The following ECPAS variants were observed in gnomAD, a reference collection of about 807,000 sequenced individuals.
The protein encoded by ECPAS is Ecm29 proteasome adaptor and scaffold, also known as proteasome adapter and scaffold protein ECM29.
A neutral mutation model predicts 255.1 loss-of-function variants in ECPAS; 70 were observed. The observed-to-expected ratio is 0.27, with a 90% CI of 0.23 to 0.33. The LOEUF (loss-of-function observed/expected upper bound fraction) is 0.33, where lower values mean the gene tolerates loss of function less well. Among genes scored for constraint, ECPAS ranks in the 10% least tolerant of loss-of-function variants. The pLI is 1.00. For synonymous variants in ECPAS, 784 were observed against 775.0 expected (o/e 1.01, Z -0.19); for missense variants, 1,817 against 2,206.4 (o/e 0.82, Z 3.54).
At chr9:111,469,467 G>C (rs1455954110) in intron 2 of ECPAS, among the ~76,000 whole-genome samples, 2 of 151,836 alleles carry the variant, frequency 1.3e-5, no homozygotes, top group South Asian at 2.1e-4. Flanking sequence ...CCGGGAGGTG[G>C]AGCAGTGAGC....
intron 17 of ECPAS, 135 bp from the exon 18 acceptor site, chr9:111,416,487 T>C (rs2098203703): frequency 9.1e-6 from 6 of 658,298 alleles, no homozygotes; most frequent in Non-Finnish European, 1.6e-5. Flanking sequence ...CATTTTCCAC[T>C]TTCCTATTAA....
intron 1 of ECPAS, among the ~76,000 whole-genome samples, chr9:111,482,090 C>A (rs1043635182): frequency 6.6e-6 from 1 of 152,098 alleles, no homozygotes; most frequent in Admixed American, 6.5e-5. Flanking sequence ...ATGGCTAGGA[C>A]GGGAAATTTT....
intron 16 of ECPAS, 109 bp from the exon 17 acceptor site, chr9:111,418,115 T>C (rs2098207250): frequency 1.0e-6 from 1 of 969,522 alleles, no homozygotes; most frequent in Non-Finnish European, 1.5e-6. Flanking sequence ...TCTCAGAAAA[T>C]GTCTTAAATA....
chr9:111,431,826 C>T (rs1473047243), intron 8 of ECPAS, among the ~76,000 whole-genome samples: 1 of 152,184 alleles, frequency 6.6e-6, no homozygotes, highest in African/African-American at 2.4e-5. Context: ...AGAATAGCCA[C>T]AATTCCGCTA....
At chr9:111,478,015 C>T (rs2098298627) in intron 1 of ECPAS, among the ~76,000 whole-genome samples, 1 of 151,804 alleles carries the variant, frequency 6.6e-6, no homozygotes, top group South Asian at 2.1e-4. Context: ...ATCCTCCCCA[C>T]TCAGCCTCCC....
At chr9:111,426,074 G>A (rs927229185) in intron 10 of ECPAS, among the ~76,000 whole-genome samples, 10 of 152,158 alleles carry the variant, frequency 6.6e-5, no homozygotes, top group African/African-American at 2.4e-4. Flanking sequence ...ACCACAGTGA[G>A]GAAACGAAGA....
At chr9:111,362,222 G>GA (rs1422727289) in intron 49 of ECPAS, 53 bp from the exon 50 acceptor site, 142 of 1,380,718 alleles carry the variant, frequency 1.0e-4, no homozygotes, top group Middle Eastern at 7.6e-4. Context: ...AAAGCAAAAA[G>GA]AAAAAACCCC....
intron 24 of ECPAS, among the ~76,000 whole-genome samples, chr9:111,406,961 T>A (rs535848375): frequency 1.3e-5 from 2 of 149,502 alleles, no homozygotes; most frequent in East Asian, 4.0e-4. Context: ...TGTGAAGATA[T>A]TCTGCTTCCG....
Position 111,374,569 on chromosome 9 carries a change from T to C in ECPAS, c.4111-531A>G, listed in dbSNP as rs145092174. ...AATATTAACAGCAGTTATCTCTGTA[T>C]GGCAAAATTCTGGACAATTTTTATT... is the stretch of plus-strand genomic sequence containing the variant. On this transcript the variant is annotated intron_variant, in intron 38 of 49. Coordinates refer to ENST00000684092, the MANE Select transcript of ECPAS (RefSeq NM_001364929.1). 9.0e-4 allele frequency among the ~76,000 whole-genome samples: 137 copies of C among 152,358 alleles called. 1 individual carries two copies. In the East Asian group the frequency reaches 0.025, roughly 27 times the overall value.
Position 111,370,638 on chromosome 9 carries a change from C to T in ECPAS, c.4782-11G>A. On this transcript the variant is annotated splice_polypyrimidine_tract_variant and intron_variant, in intron 44 of 49. Transcript: ENST00000684092. The stretch of plus-strand genomic sequence containing the variant: ...TTTTCCAGCTCTGCACTACAGGGTC[C>T]ATACAAAAGCATCAGAAGTTAATAA... 1.2e-6 allele frequency: 2 copies of T among 1,608,606 alleles called. No homozygotes were observed. The highest frequency in any genetic ancestry group is 1.1e-5 in the South Asian group (1 of 90,092).
chr9:111,432,978 C>G (rs1458517079), intron 8 of ECPAS, among the ~76,000 whole-genome samples: 1 of 152,146 alleles, frequency 6.6e-6, no homozygotes, highest in African/African-American at 2.4e-5. Context: ...GTTCATCTAC[C>G]TAGCCAAAAG....
intron 35 of ECPAS, among the ~76,000 whole-genome samples, chr9:111,380,458 C>T (rs749889194): frequency 1.3e-5 from 2 of 152,086 alleles, no homozygotes; most frequent in Non-Finnish European, 2.9e-5. Flanking sequence ...CTTTGTTGTT[C>T]CATTTCTAGA....
At chr9:111,459,910 A>G (rs1294417097) in intron 2 of ECPAS, among the ~76,000 whole-genome samples, 2 of 152,198 alleles carry the variant, frequency 1.3e-5, no homozygotes, top group Non-Finnish European at 2.9e-5. Flanking sequence ...GGTGGGGTAA[A>G]GGGATGGCAG....
At chr9:111,436,910 C>G in intron 7 of ECPAS, 30 bp downstream of exon 7, 1 of 1,547,100 alleles carries the variant, frequency 6.5e-7, no homozygotes, top group South Asian at 1.2e-5. Flanking sequence ...CCACAATCAA[C>G]TACTATTATG....
intron 24 of ECPAS, among the ~76,000 whole-genome samples, chr9:111,406,374 G>A (rs561228252): frequency 2.0e-5 from 3 of 149,734 alleles, no homozygotes; most frequent in African/African-American, 5.1e-5. Flanking sequence ...ACTGGAGAAC[G>A]GGGAAAGAGA....
intron 20 of ECPAS, among the ~76,000 whole-genome samples, chr9:111,412,443 G>A (rs963333060): frequency 6.6e-6 from 1 of 152,200 alleles, no homozygotes; most frequent in African/African-American, 2.4e-5. Flanking sequence ...TTTGGTCTCT[G>A]CTGCAACTAC....
chr9:111,430,007 CAG>C (rs1225350162), intron 9 of ECPAS, among the ~76,000 whole-genome samples: 2 of 152,174 alleles, frequency 1.3e-5, no homozygotes, highest in Admixed American at 1.3e-4. Context: ...GATTCTAGAC[CAG>C]AAGTCTGCAA....
At chr9:111,453,442 G>C (rs2098263001) in intron 2 of ECPAS, among the ~76,000 whole-genome samples, 1 of 151,704 alleles carries the variant, frequency 6.6e-6, no homozygotes, top group South Asian at 2.1e-4. Flanking sequence ...GGGGGGAAGA[G>C]GCAAATTTTT....
At position 111,450,829 on chromosome 9, in the gene ECPAS, G is replaced by A. The variant is rs115300706; in HGVS notation, c.153+596C>T. Among the ~76,000 whole-genome samples, 1,122 of 152,312 alleles carry A rather than the reference G, an allele frequency of 7.4e-3. 17 individuals carry two copies. Among genetic ancestry groups the A allele is most frequent in the African/African-American group, 0.026 (1,078 of 41,570 alleles). On this transcript the variant is annotated intron_variant, in intron 3 of 49. Coordinates refer to ENST00000684092, the MANE Select transcript of ECPAS (RefSeq NM_001364929.1). ...TGTAGTCCCAGCTACTTGGGAGGGT[G>A]AGGTAGGAGGGCCTAAGCCCAGAAG...
Sources: allele counts gnomAD v4.1 joint callset (sites outside exome capture counted in the v4.1 genomes callset), GRCh38; gene constraint gnomAD v4.1.1; transcripts MANE v1.5; gene names NCBI Gene and HGNC (gene_info 2026-07-23, HGNC 2026-07-21).